EXTL2: variants seen among roughly 807,000 people sequenced by gnomAD.
EXTL2 encodes the protein exostosin-like 2.
A neutral mutation model predicts 30.7 loss-of-function variants in EXTL2; 23 were observed. The ratio of observed to expected loss-of-function variants is 0.75; its 90% CI spans 0.54 to 1.06. The LOEUF is 1.06. Ranked by LOEUF, EXTL2 falls within the 50% of genes least tolerant of loss-of-function variation. EXTL2 has a pLI of 0.00. For synonymous variants in EXTL2, 123 were observed against 133.8 expected, an observed-to-expected ratio of 0.92 and a Z score of 0.56; for missense variants, 352 against 396.3, an observed-to-expected ratio of 0.89 and a Z score of 0.95.
chr1:100,887,756 G>A (rs1040309118), intron 2 of EXTL2, among the ~76,000 whole-genome samples: 1 of 151,898 alleles, frequency 6.6e-6, no homozygotes, highest in Non-Finnish European at 1.5e-5. Flanking sequence ...CCAGGCTGGA[G>A]ATAAGTGGCG....
chr1:100,878,472 T>C (rs1649303646), intron 2 of EXTL2: 1 of 470,690 alleles, frequency 2.1e-6, no homozygotes. Flanking sequence ...ATTAATGAGA[T>C]ACAAAAGGTG....
At chr1:100,876,675 C>A in intron 4 of EXTL2, 119 bp downstream of exon 4, 1 of 625,310 alleles carries the variant, frequency 1.6e-6, no homozygotes, top group Non-Finnish European at 2.7e-6. Context: ...ATTCATCCAT[C>A]TTTTAGATAA....
chr1:100,886,823 G>A (rs1313327876), intron 2 of EXTL2, among the ~76,000 whole-genome samples: 2 of 152,254 alleles, frequency 1.3e-5, no homozygotes, highest in East Asian at 3.9e-4. Context: ...TTCTAGCTTT[G>A]CACCTATCTC....
chr1:100,878,622 G>T (rs1649318065), intron 2 of EXTL2, among the ~76,000 whole-genome samples: 1 of 152,182 alleles, frequency 6.6e-6, no homozygotes. Context: ...GCCAGATTAT[G>T]TGGGACCTCT....
At chr1:100,893,559 C>T (rs931776233) in intron 1 of EXTL2, among the ~76,000 whole-genome samples, 2 of 152,130 alleles carry the variant, frequency 1.3e-5, no homozygotes, top group Non-Finnish European at 2.9e-5. Context: ...CAGCACAGAG[C>T]CTGGCACATA....
In EXTL2 at chr1:100,874,137, A is replaced by G. The variant is rs372812889; in HGVS notation, c.798T>C (p.Pro266=). The change falls in exon 5 of 5, where the codon CCT becomes CCC. Residue 266 remains proline, a synonymous_variant. Coordinates refer to ENST00000370114, the MANE Select transcript of EXTL2 (RefSeq NM_001033025.3). ...CTTTTTCCAAATTGTCCATGTTTAC[A>G]GGCTTCACAAATATCCCTGAAGTCT... ...IGKTSGIFVK[P]VNMDNLEKET... 7 of 1,613,058 alleles carry G rather than the reference A, an allele frequency of 4.3e-6. No individual in the cohort carries two copies. Among genetic ancestry groups the G allele is most frequent in the Non-Finnish European group, 5.9e-6 (7 of 1,179,498 alleles).
At chr1:100,887,484 A>C (rs1650054895) in intron 2 of EXTL2, among the ~76,000 whole-genome samples, 1 of 152,224 alleles carries the variant, frequency 6.6e-6, no homozygotes, top group African/African-American at 2.4e-5. Context: ...ATTACTAATG[A>C]AAGTTGTCAG....
At chr1:100,878,474 CA>C (rs1649304471) in intron 2 of EXTL2, 1 of 470,566 alleles carries the variant, frequency 2.1e-6, no homozygotes, top group Admixed American at 2.4e-5. Context: ...TAATGAGATA[CA>C]AAAGGTGTCT....
intron 2 of EXTL2, among the ~76,000 whole-genome samples, chr1:100,883,920 C>T (rs552453987): frequency 2.7e-4 from 41 of 152,190 alleles, no homozygotes; most frequent in African/African-American, 9.9e-4. Context: ...AATAACAGTA[C>T]AAATTCTGTC....
Position 100,877,265 on chromosome 1 carries a change from G to A in EXTL2, c.433+211C>T, listed in dbSNP as rs1393186227. 6.6e-6 allele frequency among the ~76,000 whole-genome samples: 1 copy of A among 152,106 alleles called. No homozygotes were observed. Among genetic ancestry groups the A allele is most frequent in the Non-Finnish European group, 1.5e-5 (1 of 68,004 alleles). Reference sequence around the variant, plus strand: ...TGTAATGCAATCATATGTAATTATAGCATATCCTTTATTACAATATTAACC... The same window carrying A: ...TGTAATGCAATCATATGTAATTATAACATATCCTTTATTACAATATTAACC... On this transcript the variant is annotated intron_variant, in intron 3 of 4. Coordinates refer to ENST00000370114, the MANE Select transcript of EXTL2 (RefSeq NM_001033025.3). The surrounding 1 kb of genome is among the most constrained non-coding windows in gnomAD (Gnocchi z 4.1).
intron 1 of EXTL2, among the ~76,000 whole-genome samples, chr1:100,894,137 A>G (rs183921492): frequency 1.3e-5 from 2 of 152,008 alleles, no homozygotes; most frequent in Non-Finnish European, 2.9e-5. Context: ...GCTGAAATTT[A>G]ATTATTTCTA....
Position 100,893,046 on chromosome 1 carries a change from G to C in EXTL2, c.-72+1587C>G, listed in dbSNP as rs138827444. On this transcript the variant is annotated intron_variant, in intron 1 of 4. Coordinates refer to ENST00000370114, the MANE Select transcript of EXTL2 (RefSeq NM_001033025.3). ...CATTTCTCAGAATCCTCAGTCACAC[G>C]TCTGAGCAGCTGGGGTTTTTCCACC... Among the ~76,000 whole-genome samples the C allele has an allele frequency of 9.4e-3, 1,424 of 152,234 alleles. 20 individuals carry two copies. Among genetic ancestry groups the C allele is most frequent in the African/African-American group, 0.033 (1,363 of 41,512 alleles).
rs143653982 is a variant in EXTL2 at position 100,874,181 on chromosome 1, T to C, written c.754A>G (p.Ile252Val). ...GAAGTCTTGCCAATATGCTTGGCAA[T>C]GATAAAATTCATGGCAATATCATCA... ...NCDDIAMNFI[I>V]AKHIGKTSGI... The change falls in exon 5 of 5, where the codon ATT becomes GTT. Residue 252 changes from isoleucine (I) to valine (V), a missense_variant. By Grantham distance (29) the Ile-to-Val change is conservative (BLOSUM62 3). Transcript: ENST00000370114. The C allele has an allele frequency of 2.7e-4, 438 of 1,613,044 alleles. 3 individuals are homozygous for C. The African/African-American group carries it at 4.8e-3, about 18-fold the overall frequency.
chr1:100,876,651 T>C (rs924100832), intron 4 of EXTL2, 143 bp downstream of exon 4: 6 of 510,406 alleles, frequency 1.2e-5, no homozygotes, highest in Non-Finnish European at 2.1e-5. Context: ...AAAATCTTGA[T>C]TAGCCTATAA....
intron 2 of EXTL2, chr1:100,885,892 C>T (rs777423276): frequency 2.5e-4 from 38 of 152,138 alleles, no homozygotes; most frequent in Admixed American, 4.6e-4. Context: ...CTTCTTAATT[C>T]CTGTTACTTT....
In EXTL2 at chr1:100,874,255, T is replaced by A. The variant is rs1414763926; in HGVS notation, c.680A>T (p.Gln227Leu). Residue 227 changes from glutamine (Q) to leucine (L), a missense_variant, in exon 5 of 5, where the codon CAG becomes CTG. By Grantham distance (113) the Gln-to-Leu change is moderately radical. Coordinates refer to ENST00000370114, the MANE Select transcript of EXTL2 (RefSeq NM_001033025.3). ...AGCATGGACAGCTGCAGGTTGCCTC[T>A]GAAATAATTCAAGATATTTGCTATT... ...FFNSKYLELF[Q>L]RQPAAVHALI... is the part of the protein sequence containing the mutation. 6.2e-7 allele frequency: 1 copy of A among 1,612,886 alleles called. No individual in the cohort carries two copies. The highest frequency in any genetic ancestry group is 8.5e-7 in the Non-Finnish European group (1 of 1,179,398).
rs556632131 is a variant in EXTL2 at position 100,888,822 on chromosome 1, C to T, written c.-65G>A. 7.6e-7 allele frequency: 1 copy of T among 1,310,270 alleles called. No individual in the cohort carries two copies. 81.2% of individuals were successfully genotyped at this position (1,310,270 alleles called of 1,614,324 possible). On this transcript the variant is annotated 5_prime_UTR_variant, in exon 2 of 5. In the 5' UTR this introduces an upstream ATG that the reference lacks. Transcript: ENST00000370114. Reference sequence around the variant, plus strand: ...TCAGTAATTGACAGAAGCAGGCTCACTTGTCACTATTAAGATAAATCAAAG... The same window carrying T: ...TCAGTAATTGACAGAAGCAGGCTCATTTGTCACTATTAAGATAAATCAAAG...
chr1:100,880,416 A>G (rs1003260915), intron 2 of EXTL2, among the ~76,000 whole-genome samples: 1 of 152,166 alleles, frequency 6.6e-6, no homozygotes, highest in African/African-American at 2.4e-5. Flanking sequence ...TATTAAAAAG[A>G]GCAATTTTGT....
intron 2 of EXTL2, among the ~76,000 whole-genome samples, chr1:100,886,217 T>TCCTGC (rs1171458545): frequency 6.6e-6 from 1 of 152,236 alleles, no homozygotes; most frequent in African/African-American, 2.4e-5. Context: ...GAAGGCCTAG[T>TCCTGC]CCTGCCCTTT....
Sources: gnomAD v4.1 joint callset for allele counts (sites outside exome capture counted in the v4.1 genomes callset) on GRCh38, gnomAD v4.1.1 for gene constraint, Gnocchi (gnomAD v3.1) non-coding constraint, MANE v1.5 for transcripts, NCBI Gene and HGNC (gene_info 2026-07-23, HGNC 2026-07-21) for gene names.